The following ARCN1 variants were observed in gnomAD, a reference collection of about 807,000 sequenced individuals.
ARCN1 encodes the protein coatomer subunit delta.
Under a neutral mutation model 60.4 loss-of-function variants are expected in ARCN1, and 5 were observed. The ratio of observed to expected loss-of-function variants is 0.08; its 90% CI spans 0.04 to 0.17. The LOEUF (loss-of-function observed/expected upper bound fraction) is 0.17, where lower values mean the gene tolerates loss of function less well. ARCN1 is among the 10% of genes least tolerant of loss of function. The probability of loss-of-function intolerance (pLI) is 1.00; values close to 1 mark genes in which losing one functional copy is unlikely to be tolerated. For synonymous variants in ARCN1, 224 were observed against 220.0 expected, an observed-to-expected ratio of 1.02 and a Z score of -0.16; for missense variants, 464 against 626.5, an observed-to-expected ratio of 0.74 and a Z score of 2.77.
intron 8 of ARCN1, among the ~76,000 whole-genome samples, chr11:118,595,863 C>T (rs1329362404): frequency 6.6e-6 from 1 of 152,040 alleles, no homozygotes; most frequent in Non-Finnish European, 1.5e-5. Context: ...GTCAGGAGAT[C>T]GAGACCATCT....
intron 1 of ARCN1, among the ~76,000 whole-genome samples, chr11:118,579,795 AC>A (rs780579742): frequency 2.0e-5 from 3 of 151,822 alleles, no homozygotes; most frequent in Admixed American, 6.6e-5. Flanking sequence ...AGAAATAATT[AC>A]TTTTTTCCAT....
At chr11:118,583,085 G>A (rs1938696674) in intron 2 of ARCN1, 94 bp from the exon 3 acceptor site, 3 of 1,379,074 alleles carry the variant, frequency 2.2e-6, no homozygotes, top group Admixed American at 2.0e-5. Flanking sequence ...AGGGATTTAG[G>A]TTATTGAAAT....
intron 5 of ARCN1, among the ~76,000 whole-genome samples, chr11:118,585,734 T>A (rs929217490): frequency 2.2e-4 from 33 of 152,244 alleles, no homozygotes; most frequent in African/African-American, 7.9e-4. Context: ...AGATGGGGTT[T>A]TGCCTTGTTG....
chr11:118,595,745 T>TA (rs1228836880), intron 8 of ARCN1, among the ~76,000 whole-genome samples: 1 of 152,224 alleles, frequency 6.6e-6, no homozygotes, highest in Non-Finnish European at 1.5e-5. Flanking sequence ...TCTTTACTGT[T>TA]ATGTCGCTCA....
In ARCN1 at chr11:118,601,047, TTTATTATTATTA is replaced by T. The variant is rs144013089; in HGVS notation, c.*351_*362del. The T allele has an allele frequency of 1.4e-5, 2 of 145,910 alleles. No homozygotes were observed. The highest frequency in any genetic ancestry group is 2.2e-4 in the South Asian group (1 of 4,574). 9.0% of individuals were successfully genotyped at this position (145,910 alleles called of 1,614,324 possible). ...ACCTAAGTTGCTCCTTTATTTTTAT[TTTATTATTATTA>T]TTATTATTATTATTATTTTTTGAGA... On this transcript the variant is annotated 3_prime_UTR_variant, in exon 10 of 10. Coordinates refer to ENST00000264028, the MANE Select transcript of ARCN1 (RefSeq NM_001655.5).
rs1248373151 is a variant in ARCN1 at position 118,598,904 on chromosome 11, C to G, written c.1446+993C>G. ...CTCTGCCTCCCGGGTTCAAGCAATT[C>G]TGTCTCAGCCTCCCCAGTAGCTGAG... On this transcript the variant is annotated intron_variant, in intron 9 of 9. Coordinates refer to ENST00000264028, the MANE Select transcript of ARCN1 (RefSeq NM_001655.5). 3.3e-5 allele frequency among the ~76,000 whole-genome samples: 5 copies of G among 151,346 alleles called. No individual in the cohort carries two copies. The South Asian group carries it at 1.0e-3, about 32-fold the overall frequency.
In ARCN1 at chr11:118,584,625, C is replaced by T. The variant is rs782013700; in HGVS notation, c.799C>T (p.Pro267Ser). The T allele has an allele frequency of 1.0e-5, 16 of 1,606,518 alleles. 1 individual carries two copies. The highest frequency in any genetic ancestry group is 7.8e-5 in the South Asian group (7 of 89,182). Residue 267 changes from proline to serine, a missense_variant, in exon 5 of 10, where the codon CCA (proline) becomes TCA (serine). By Grantham distance (74) the Pro-to-Ser change is moderately conservative. Transcript: ENST00000264028. ...RTSEATKMHA[P>S]PINMESVHMK... is the part of the protein sequence containing the mutation. ...TTCTGAAGCAACCAAAATGCATGCT[C>T]CACCCATTAATATGGAAAGGTAAGT...
chr11:118,586,068 G>A (rs558162285), intron 5 of ARCN1, among the ~76,000 whole-genome samples: 67 of 152,226 alleles, frequency 4.4e-4, no homozygotes, highest in African/African-American at 1.6e-3. Flanking sequence ...CATAAAAGAG[G>A]AGTATTTACT....
At chr11:118,582,809 G>A (rs1938690425) in intron 2 of ARCN1, among the ~76,000 whole-genome samples, 1 of 151,948 alleles carries the variant, frequency 6.6e-6, no homozygotes, top group South Asian at 2.1e-4. Flanking sequence ...GGGAGACTGA[G>A]GCAAGCGGAT....
In ARCN1 at chr11:118,584,540, T is replaced by C. The variant is rs558452336; in HGVS notation, c.714T>C (p.Phe238=). ...LGAKGKEVDN[F]VDKLKSEGET... ...CCAAAGGAAAGGAAGTAGATAACTT[T>C]GTGGACAAATTAAAATCTGAAGGTG... Residue 238 remains phenylalanine (F), a synonymous_variant, in exon 5 of 10, where the codon TTT becomes TTC. Coordinates refer to ENST00000264028, the MANE Select transcript of ARCN1 (RefSeq NM_001655.5). 1 of 1,614,108 alleles carries C rather than the reference T, an allele frequency of 6.2e-7. No homozygotes were observed. Among genetic ancestry groups the C allele is most frequent in the Admixed American group, 1.7e-5 (1 of 59,990 alleles).
At chr11:118,598,639 A>T (rs1338966148) in intron 9 of ARCN1, among the ~76,000 whole-genome samples, 2 of 150,928 alleles carry the variant, frequency 1.3e-5, no homozygotes, top group Admixed American at 1.3e-4. Context: ...GAAATACAGG[A>T]ATGCGCCACC....
chr11:118,573,189 G>T (rs1292668764), intron 1 of ARCN1, among the ~76,000 whole-genome samples: 1 of 152,156 alleles, frequency 6.6e-6, no homozygotes, highest in South Asian at 2.1e-4. Context: ...GTGTGACTCG[G>T]GGTACATACA....
Position 118,601,409 on chromosome 11 carries a change from TTCA to T in ARCN1, c.*697_*699del, listed in dbSNP as rs1259812193. On this transcript the variant is annotated 3_prime_UTR_variant, in exon 10 of 10. Coordinates refer to ENST00000264028, the MANE Select transcript of ARCN1 (RefSeq NM_001655.5). ...ATATAATCCCTAAATATAGTTATAT[TTCA>T]TACTTAGTTTGTTTTTAAAAAGTTT... 20 of 590,088 alleles carry T rather than the reference TTCA, an allele frequency of 3.4e-5. No homozygotes were observed. In the East Asian group the frequency reaches 5.8e-4, roughly 17 times the overall value. 36.6% of individuals were successfully genotyped at this position (590,088 alleles called of 1,614,324 possible). A position where few individuals can be genotyped will look rare whatever the true frequency, so the allele number is the denominator to read the frequency against.
chr11:118,581,542 T>C (rs1938649578), intron 2 of ARCN1, 33 bp downstream of exon 2: 1 of 1,567,698 alleles, frequency 6.4e-7, no homozygotes, highest in African/African-American at 1.4e-5. Context: ...GGGTTCCACT[T>C]TTTGTTTTAC....
At chr11:118,572,751 G>A (rs1938377823) in intron 1 of ARCN1, 2 of 534,482 alleles carry the variant, frequency 3.7e-6, no homozygotes, top group Non-Finnish European at 6.5e-6. Context: ...TCCATCTGTC[G>A]TCGTGCCCGC....
intron 1 of ARCN1, chr11:118,573,607 CT>C (rs1938409666): frequency 1.3e-5 from 9 of 689,738 alleles, no homozygotes; most frequent in Non-Finnish European, 2.1e-5. Context: ...CTTTTTTATT[CT>C]TTTGTCAATA....
At chr11:118,593,371 G>A (rs1299924878) in intron 7 of ARCN1, among the ~76,000 whole-genome samples, 2 of 150,988 alleles carry the variant, frequency 1.3e-5, no homozygotes, top group African/African-American at 2.4e-5. Flanking sequence ...AGGAGAACAG[G>A]GAAGTGCCAC....
intron 7 of ARCN1, 64 bp downstream of exon 7, chr11:118,592,920 G>A: frequency 6.9e-7 from 1 of 1,454,264 alleles, no homozygotes; most frequent in African/African-American, 1.4e-5. Context: ...AGCCCTTGCT[G>A]GTACACTTTT....
chr11:118,586,874 A>T (rs1053184262), intron 5 of ARCN1, among the ~76,000 whole-genome samples: 144 of 151,024 alleles, frequency 9.5e-4, no homozygotes, highest in African/African-American at 3.4e-3. Flanking sequence ...AAAAAAAAAA[A>T]TGTTGGAGAT....
Sources: gnomAD v4.1 joint callset for allele counts (sites outside exome capture counted in the v4.1 genomes callset) on GRCh38, gnomAD v4.1.1 for gene constraint, MANE v1.5 for transcripts, NCBI Gene and HGNC (gene_info 2026-07-23, HGNC 2026-07-21) for gene names.